Variants in TTN observed in about 807,000 individuals in gnomAD.
The protein encoded by TTN is connectin.
In TTN, 1,525 loss-of-function variants were observed where a neutral mutation model predicts 3,223.0. The observed-to-expected ratio is 0.47, with a 90% confidence interval of 0.45 to 0.49. The LOEUF is 0.49. Ranked by LOEUF, TTN falls within the 20% of genes least tolerant of loss-of-function variation. The pLI is 0.00. For synonymous variants in TTN, 14,094 were observed against 15,161.0 expected (o/e 0.93, Z 5.17); for missense variants, 40,786 against 43,424.0 (o/e 0.94, Z 5.40).
chr2:178,700,371 C>T (rs1263070963), intron 111 of TTN, among the ~76,000 whole-genome samples: 2 of 152,208 alleles, frequency 1.3e-5, no homozygotes. Flanking sequence ...CCTACCATTT[C>T]CACCCCTTGA....
In TTN at chr2:178,539,775, C is replaced by T. The variant is rs781604869; in HGVS notation, c.98290G>A (p.Glu32764Lys). ...SETHTELVIK[E>K]ADRGDSGTYD... ...GTGCCAGAATCACCCCTGTCTGCTTCTTTGATCACAAGCTCAGTGTGTGTT... is the reference window on the plus strand; with the variant it reads ...GTGCCAGAATCACCCCTGTCTGCTTTTTTGATCACAAGCTCAGTGTGTGTT... The change falls in exon 352 of 363, where the codon GAA (glutamate) becomes AAA (lysine). Residue 32764 changes from glutamate (E) to lysine (K), a missense_variant. By Grantham distance (56) the Glu-to-Lys change is moderately conservative. Coordinates refer to ENST00000589042, the MANE Select transcript of TTN (RefSeq NM_001267550.2). The T allele has an allele frequency of 3.7e-6, 6 of 1,613,730 alleles. No individual in the cohort carries two copies. The highest frequency in any genetic ancestry group is 5.1e-6 in the Non-Finnish European group (6 of 1,179,794).
Position 178,621,013 on chromosome 2 carries a change from CTT to C in TTN, c.45617-22_45617-21del. ...GTTTTTCTGAAAGCAACCGACAAGA[CTT>C]TATAGTATGAATAATGATCAAAGTG... On this transcript the variant is annotated intron_variant, in intron 246 of 362. Transcript: ENST00000589042. 2.5e-6 allele frequency: 4 copies of C among 1,607,070 alleles called. No homozygotes were observed. The highest frequency in any genetic ancestry group is 1.1e-5 in the South Asian group (1 of 89,656).
At chr2:178,786,707 G>A (rs2093209913) in intron 13 of TTN, among the ~76,000 whole-genome samples, 1 of 152,054 alleles carries the variant, frequency 6.6e-6, no homozygotes, top group Admixed American at 6.5e-5. Context: ...ATTCCCTAAG[G>A]GTAAGATTGT....
At position 178,558,059 on chromosome 2, in the gene TTN, T is replaced by G. The variant is rs1702188793; in HGVS notation, c.87295A>C (p.Asn29099His). The G allele has an allele frequency of 1.2e-6, 2 of 1,613,962 alleles. No individual in the cohort carries two copies. Among genetic ancestry groups the G allele is most frequent in the Non-Finnish European group, 1.7e-6 (2 of 1,179,854 alleles). ...CTTTCTTTGAGATTGATGGTCAGGT[T>G]CTCAGCAGTAATTTCGGTATTAAAT... is the stretch of plus-strand genomic sequence containing the variant. ...MRFNTEITAE[N>H]LTINLKESVT... The change falls in exon 328 of 363, where the codon AAC becomes CAC. Residue 29099 changes from asparagine (N) to histidine (H), a missense_variant. Transcript: ENST00000589042.
intron 168 of TTN, 47 bp downstream of exon 168, chr2:178,664,413 A>G (rs774165686): frequency 1.1e-5 from 16 of 1,440,082 alleles, no homozygotes; most frequent in Non-Finnish European, 3.8e-6. Context: ...GGTCCTTTCT[A>G]TCGCCCCACC....
Position 178,705,347 on chromosome 2 carries a change from A to T in TTN, c.29431T>A (p.Leu9811Ile). The T allele has an allele frequency of 6.3e-7, 1 of 1,578,102 alleles. No individual in the cohort carries two copies. Among genetic ancestry groups the T allele is most frequent in the Non-Finnish European group, 8.6e-7 (1 of 1,163,436 alleles). ...LRAMLKKTPI[L>I]KKGAGEEEEI... ...TCTTCTTCTCCAGCTCCTTTCTTTAAGATTGGAGTCCTAAATAAAATTTAA... is the reference window on the plus strand; with the variant it reads ...TCTTCTTCTCCAGCTCCTTTCTTTATGATTGGAGTCCTAAATAAAATTTAA... Residue 9811 changes from leucine to isoleucine, a missense_variant, in exon 103 of 363, where the codon TTA (leucine) becomes ATA (isoleucine). Physicochemically the swap from Leu to Ile is conservative, Grantham distance 5. Coordinates refer to ENST00000589042, the MANE Select transcript of TTN (RefSeq NM_001267550.2).
chr2:178,708,546 T>C (rs1163329323), intron 99 of TTN, among the ~76,000 whole-genome samples: 1 of 152,222 alleles, frequency 6.6e-6, no homozygotes, highest in Non-Finnish European at 1.5e-5. Context: ...TTCTGATGTC[T>C]ATCCTTTAAA....
rs569437354 is a variant in TTN at position 178,545,379 on chromosome 2, G to A, written c.95722+9C>T. The A allele has an allele frequency of 1.6e-5, 25 of 1,537,016 alleles. No individual in the cohort carries two copies. In the Admixed American group the frequency reaches 4.9e-4, roughly 30 times the overall value. ...AGCATTGTATTTATGTATGATTCTT[G>A]GAGCTCACATGATGGTTCTCTGCAT... On this transcript the variant is annotated intron_variant, in intron 344 of 362. Transcript: ENST00000589042.
rs2092611744 is a variant in TTN at position 178,779,907 on chromosome 2, C to T, written c.3729+93G>A. 6 of 1,321,884 alleles carry T rather than the reference C, an allele frequency of 4.5e-6. 1 individual carries two copies. In the South Asian group the frequency reaches 7.6e-5, roughly 17 times the overall value. 81.9% of individuals were successfully genotyped at this position (1,321,884 alleles called of 1,614,324 possible). ...TTGGACCTTCTAATAGCTGTCTAAC[C>T]CCGAGCTCATCACTTGAAAATGAAA... On this transcript the variant is annotated intron_variant, in intron 22 of 362. Coordinates refer to ENST00000589042, the MANE Select transcript of TTN (RefSeq NM_001267550.2).
rs1016258908 is a variant in TTN, at chr2:178,696,275, A to G, written c.30803-6T>C. The G allele has an allele frequency of 3.3e-6, 5 of 1,513,514 alleles. No homozygotes were observed. The highest frequency in any genetic ancestry group is 4.4e-6 in the Non-Finnish European group (5 of 1,136,084). 93.8% of individuals were successfully genotyped at this position (1,513,514 alleles called of 1,614,324 possible). On this transcript the variant is annotated splice_polypyrimidine_tract_variant and splice_region_variant and intron_variant, in intron 113 of 362. Coordinates refer to ENST00000589042, the MANE Select transcript of TTN (RefSeq NM_001267550.2). ...TACATCAATGATTTCAGGAGCTAAA[A>G]TAGATAAAGATACTATTAGCATATT...
Position 178,613,835 on chromosome 2 carries a change from G to T in TTN, c.49448C>A (p.Thr16483Lys), listed in dbSNP as rs1421106581. The T allele has an allele frequency of 6.2e-7, 1 of 1,612,414 alleles. No homozygotes were observed. Among genetic ancestry groups the T allele is most frequent in the African/African-American group, 1.3e-5 (1 of 74,782 alleles). Residue 16483 changes from threonine (T) to lysine (K), a missense_variant, in exon 263 of 363, where the codon ACA becomes AAA. Coordinates refer to ENST00000589042, the MANE Select transcript of TTN (RefSeq NM_001267550.2). ...ATCCAGTCTTTCAACCCAGTATCCT[G>T]TGATTGGGCTGCCACCATCATCATC... ...EPDDDGGSPI[T>K]GYWVERLDPD... is the part of the protein sequence containing the mutation.
Position 178,588,428 on chromosome 2 carries a change from A to G in TTN, c.63187+110T>C, listed in dbSNP as rs190981821. 49 of 1,318,926 alleles carry G rather than the reference A, an allele frequency of 3.7e-5. No homozygotes were observed. The East Asian group carries it at 1.1e-3, about 28-fold the overall frequency. 81.7% of individuals were successfully genotyped at this position (1,318,926 alleles called of 1,614,324 possible). On this transcript the variant is annotated intron_variant, in intron 304 of 362. Transcript: ENST00000589042. ...GTCTATTTGGAAAAATATTTGCTAA[A>G]TACAGTTTGGATGTTACAGATTTAG...
In TTN at chr2:178,794,411, A is replaced by G; in HGVS notation, c.1386T>C (p.Pro462=). The change falls in exon 8 of 363, where the codon CCT becomes CCC. Residue 462 remains proline, a synonymous_variant. Coordinates refer to ENST00000589042, the MANE Select transcript of TTN (RefSeq NM_001267550.2). ...RTTTTAVHIQ[P]AQEQVRKEAE... ...GCCTCGCACGTACCTGTTCTTGAGC[A>G]GGTTGGATGTGCACAGCAGTCGTGG... 6.2e-7 allele frequency: 1 copy of G among 1,614,182 alleles called. No individual in the cohort carries two copies. The highest frequency in any genetic ancestry group is 8.5e-7 in the Non-Finnish European group (1 of 1,180,010).
Position 178,612,131 on chromosome 2 carries a change from C to G in TTN, c.50280G>C (p.Val16760=). The G allele has an allele frequency of 6.2e-7, 1 of 1,611,806 alleles. No individual in the cohort carries two copies. The highest frequency in any genetic ancestry group is 1.3e-5 in the African/African-American group (1 of 74,914). Reference sequence around the variant, plus strand: ...CAACATGTCGTTTTGTCACATCAACCACTGCCAGGGCGTAGGGTGGTCCAG... The same window carrying G: ...CAACATGTCGTTTTGTCACATCAACGACTGCCAGGGCGTAGGGTGGTCCAG... ...TTPGPPYALA[V]VDVTKRHVDL... Residue 16760 remains valine (V), a synonymous_variant, in exon 267 of 363, where the codon GTG becomes GTC. Transcript: ENST00000589042.
chr2:178,613,678 C>T (rs1287016188), intron 263 of TTN, 73 bp downstream of exon 263: 4 of 1,457,714 alleles, frequency 2.7e-6, no homozygotes, highest in Non-Finnish European at 9.2e-7. Context: ...CATCTGTAAT[C>T]CCAAGGAATA....
rs780582199 is a variant in TTN at position 178,571,317 on chromosome 2, T to C, written c.74815A>G (p.Arg24939Gly). 1.9e-6 allele frequency: 3 copies of C among 1,613,342 alleles called. No individual in the cohort carries two copies. Among genetic ancestry groups the C allele is most frequent in the East Asian group, 2.2e-5 (1 of 44,816 alleles). The change falls in exon 326 of 363, where the codon AGA (arginine) becomes GGA (glycine). Residue 24939 changes from arginine (R) to glycine (G), a missense_variant. By Grantham distance (125) the Arg-to-Gly change is moderately radical. Transcript: ENST00000589042. The stretch of plus-strand genomic sequence containing the variant: ...CGTTCTAGATGATAGCCAATGACTC[T>C]ACTTCCTCCATCACTGATTGGCTCA... Reference protein sequence around the residue: ...WNEPISDGGSRVIGYHLERKE... With the variant: ...WNEPISDGGSGVIGYHLERKE...
rs1197659817 is a variant in TTN, at chr2:178,605,093, A to G, written c.54084T>C (p.Thr18028=). The change falls in exon 280 of 363, where the codon ACT becomes ACC. Residue 18028 remains threonine (T), a synonymous_variant. Transcript: ENST00000589042. ...KEEVSRSEAK[T]ELSIPKAVRE... is the part of the protein sequence containing the mutation. Reference sequence around the variant, plus strand: ...GGACCGCTTTGGGAATGCTAAGCTCAGTTTTTGCCTCACTTCGGGATACCT... The same window carrying G: ...GGACCGCTTTGGGAATGCTAAGCTCGGTTTTTGCCTCACTTCGGGATACCT... The G allele has an allele frequency of 6.2e-7, 1 of 1,612,808 alleles. No individual in the cohort carries two copies. Among genetic ancestry groups the G allele is most frequent in the South Asian group, 1.1e-5 (1 of 91,026 alleles).
intron 69 of TTN, 128 bp downstream of exon 69, chr2:178,726,962 A>G (rs1347751526): frequency 4.0e-6 from 4 of 988,682 alleles, no homozygotes; most frequent in Non-Finnish European, 5.4e-6. Flanking sequence ...GGGAAATAAT[A>G]CTAGCTCAGA....
intron 22 of TTN, 58 bp downstream of exon 22, chr2:178,779,941 TA>T (rs939245906): frequency 9.0e-6 from 14 of 1,557,294 alleles, no homozygotes; most frequent in African/African-American, 1.4e-5. Context: ...AAATATCAAA[TA>T]AAAAAAGGAA....
Sources: allele counts gnomAD v4.1 joint callset (sites outside exome capture counted in the v4.1 genomes callset), GRCh38; gene constraint gnomAD v4.1.1; transcripts MANE v1.5; gene names NCBI Gene and HGNC (gene_info 2026-07-23, HGNC 2026-07-21).